EHMT1: variants seen among roughly 807,000 people sequenced by gnomAD.
The protein encoded by EHMT1 is euchromatic histone lysine methyltransferase 1.
Under a neutral mutation model 147.2 loss-of-function variants are expected in EHMT1, and 15 were observed. The observed-to-expected ratio is 0.10, with a 90% confidence interval of 0.07 to 0.16. EHMT1 has a LOEUF of 0.16. EHMT1 is among the 10% of genes least tolerant of loss of function. The probability of loss-of-function intolerance (pLI) is 1.00; values close to 1 mark genes in which losing one functional copy is unlikely to be tolerated. For synonymous variants in EHMT1, 795 were observed against 709.6 expected (o/e 1.12, Z -1.91); for missense variants, 1,587 against 1,772.4 (o/e 0.90, Z 1.88).
chr9:137,829,060 G>A (rs554962309), intron 25 of EHMT1, among the ~76,000 whole-genome samples: 4 of 152,192 alleles, frequency 2.6e-5, no homozygotes, highest in Non-Finnish European at 4.4e-5. Flanking sequence ...CAGGCACCAC[G>A]GGGAGGCCCC....
chr9:137,647,478 GCTT>G (rs1444439754), intron 1 of EHMT1, among the ~76,000 whole-genome samples: 1 of 152,098 alleles, frequency 6.6e-6, no homozygotes, highest in Non-Finnish European at 1.5e-5. Context: ...TGGGGTCCCA[GCTT>G]CTTCTCCCTG....
chr9:137,650,537 GTCT>G (rs901287583), intron 1 of EHMT1, among the ~76,000 whole-genome samples: 31 of 152,162 alleles, frequency 2.0e-4, no homozygotes, highest in African/African-American at 6.5e-4. Flanking sequence ...CCATTTGTAT[GTCT>G]TCTTTGTAGA....
At chr9:137,762,965 G>GC (rs1465013877) in intron 10 of EHMT1, 145 bp downstream of exon 10, 1 of 1,026,698 alleles carries the variant, frequency 9.7e-7, no homozygotes, top group Non-Finnish European at 1.5e-6. Context: ...AACCAATCGA[G>GC]CAGATCCCAA....
In EHMT1 at chr9:137,716,810, G is replaced by C; in HGVS notation, c.270G>C (p.Arg90=). Reference sequence around the variant, plus strand: ...AGGATGGCACCAACACACTAACTCGGATAGCGGAAAATGGGGTTTCAGAAA... The same window carrying C: ...AGGATGGCACCAACACACTAACTCGCATAGCGGAAAATGGGGTTTCAGAAA... ...NPQDGTNTLT[R]IAENGVSERD... Residue 90 remains arginine, a synonymous_variant, in exon 3 of 27, where the codon CGG becomes CGC. Transcript: ENST00000460843. The C allele has an allele frequency of 1.2e-6, 2 of 1,613,312 alleles. No individual in the cohort carries two copies. Among genetic ancestry groups the C allele is most frequent in the Non-Finnish European group, 1.7e-6 (2 of 1,179,884 alleles).
At chr9:137,742,289 T>TTTTGTGTGTG (rs1554858062) in intron 4 of EHMT1, among the ~76,000 whole-genome samples, 3 of 135,070 alleles carry the variant, frequency 2.2e-5, no homozygotes, top group African/African-American at 8.7e-5. Flanking sequence ...AGAACCAAAT[T>TTTTGTGTGTG]TGTGTGTGTG....
intron 9 of EHMT1, among the ~76,000 whole-genome samples, chr9:137,761,499 A>G (rs540837435): frequency 4.6e-5 from 7 of 152,312 alleles, no homozygotes; most frequent in South Asian, 2.1e-4. Context: ...CTGTTGCCAG[A>G]CTGGAGTGCA....
chr9:137,716,771 A>G lies in EHMT1; in HGVS notation c.231A>G (p.Ala77=), dbSNP rs767771840. ...CTGCAAAGCACACTCAGGACAGCGC[A>G]AGGGTCAACCCCCAGGATGGCACCA... The part of the protein sequence containing the change: ...ANAAKHTQDS[A]RVNPQDGTNT... The change falls in exon 3 of 27, where the codon GCA becomes GCG. Residue 77 remains alanine, a synonymous_variant. Coordinates refer to ENST00000460843, the MANE Select transcript of EHMT1 (RefSeq NM_024757.5). The G allele has an allele frequency of 3.7e-6, 6 of 1,613,080 alleles. No individual in the cohort carries two copies. The South Asian group carries it at 5.5e-5, about 15-fold the overall frequency.
At chr9:137,807,097 G>A (rs1954013199) in intron 18 of EHMT1, among the ~76,000 whole-genome samples, 1 of 152,212 alleles carries the variant, frequency 6.6e-6, no homozygotes, top group South Asian at 2.1e-4. Flanking sequence ...TGGATTTAGG[G>A]TTTTTGACAA....
At chr9:137,821,270 C>CTT (rs1442699368) in intron 25 of EHMT1, among the ~76,000 whole-genome samples, 3 of 146,160 alleles carry the variant, frequency 2.1e-5, no homozygotes, top group African/African-American at 7.5e-5. Context: ...CCACCTGCCT[C>CTT]GGCCTCCCAA....
intron 14 of EHMT1, among the ~76,000 whole-genome samples, chr9:137,781,498 C>T (rs966489940): frequency 2.0e-5 from 3 of 152,150 alleles, no homozygotes; most frequent in African/African-American, 4.8e-5. Flanking sequence ...GTGGTGATGA[C>T]GGCAGTCGAT....
chr9:137,686,444 C>G (rs1301891085), intron 1 of EHMT1, among the ~76,000 whole-genome samples: 1 of 151,934 alleles, frequency 6.6e-6, no homozygotes, highest in Admixed American at 6.6e-5. Context: ...GGCTGGAGTG[C>G]AGTGGTGCAA....
chr9:137,731,817 G>A lies in EHMT1; in HGVS notation c.823+3288G>A, dbSNP rs902522164. ...TGTTGACGAGCAAGCATGGTGTGGG[G>A]CCACTGTGCACAGCCAGGCCTGCTT... On this transcript the variant is annotated intron_variant, in intron 4 of 26. Coordinates refer to ENST00000460843, the MANE Select transcript of EHMT1 (RefSeq NM_024757.5). This position sits in a 1 kb window ranked among gnomAD's most constrained non-coding sequence, Gnocchi z 4.3. Among the ~76,000 whole-genome samples, 2 of 152,198 alleles carry A rather than the reference G, an allele frequency of 1.3e-5. No homozygotes were observed. The highest frequency in any genetic ancestry group is 4.8e-5 in the African/African-American group (2 of 41,456).
chr9:137,684,016 T>G, intron 1 of EHMT1, among the ~76,000 whole-genome samples: 1 of 151,308 alleles, frequency 6.6e-6, no homozygotes, highest in East Asian at 1.9e-4. Context: ...CTATTAACTG[T>G]TTTTTGTTTG....
chr9:137,662,520 G>A (rs1265515862), intron 1 of EHMT1, among the ~76,000 whole-genome samples: 1 of 152,032 alleles, frequency 6.6e-6, no homozygotes, highest in Non-Finnish European at 1.5e-5. Flanking sequence ...TCTTTTTTGA[G>A]ACAGAGTCTC....
At chr9:137,726,830 A>G (rs537856843) in intron 3 of EHMT1, among the ~76,000 whole-genome samples, 12 of 152,088 alleles carry the variant, frequency 7.9e-5, no homozygotes, top group Admixed American at 2.6e-4. Context: ...CATTTCCCCA[A>G]TGATGTTAAG....
chr9:137,707,124 C>G (rs986476563), intron 1 of EHMT1, among the ~76,000 whole-genome samples: 22 of 152,342 alleles, frequency 1.4e-4, no homozygotes, highest in Admixed American at 2.6e-4. Flanking sequence ...CGCGCCTGGC[C>G]TATCATTTAC....
In EHMT1 at chr9:137,776,653, C is replaced by T. The variant is rs1242360179; in HGVS notation, c.1827C>T (p.Ile609=). Residue 609 remains isoleucine (I), a synonymous_variant, in exon 12 of 27, where the codon ATC becomes ATT. Transcript: ENST00000460843. This position sits in a 1 kb window ranked among gnomAD's most constrained non-coding sequence, Gnocchi z 4.4. ...NFMECQPESS[I]SHRFHKDCAS... The stretch of plus-strand genomic sequence containing the variant: ...TGGAGTGTCAGCCCGAGAGCAGCAT[C>T]TCTCACCGTTTCCACAAAGACTGTG... 1 of 1,614,046 alleles carries T rather than the reference C, an allele frequency of 6.2e-7. No homozygotes were observed. The highest frequency in any genetic ancestry group is 8.5e-7 in the Non-Finnish European group (1 of 1,180,046).
chr9:137,645,061 C>T (rs770748660), intron 1 of EHMT1, among the ~76,000 whole-genome samples: 1 of 152,018 alleles, frequency 6.6e-6, no homozygotes, highest in Non-Finnish European at 1.5e-5. Context: ...TTAGTAGAGA[C>T]GGGGTTTCGC....
intron 16 of EHMT1, among the ~76,000 whole-genome samples, chr9:137,791,329 G>C (rs1952509810): frequency 6.6e-6 from 1 of 152,100 alleles, no homozygotes; most frequent in Admixed American, 6.5e-5. Flanking sequence ...AACTGCCTCT[G>C]TTCACAGATG....
Sources: allele counts gnomAD v4.1 joint callset (sites outside exome capture counted in the v4.1 genomes callset), GRCh38; gene constraint gnomAD v4.1.1; non-coding constraint Gnocchi (gnomAD v3.1); transcripts MANE v1.5; gene names NCBI Gene and HGNC (gene_info 2026-07-23, HGNC 2026-07-21).